RORA: variants seen among roughly 807,000 people sequenced by gnomAD.
The protein encoded by RORA is RAR related orphan receptor A.
RORA carries 7 observed loss-of-function variants against 69.5 expected under a neutral mutation model. The ratio of observed to expected loss-of-function variants is 0.10; its 90% CI spans 0.06 to 0.19. RORA has a LOEUF of 0.19. RORA is among the 10% of genes least tolerant of loss of function. The pLI is 1.00. For synonymous variants in RORA, 261 were observed against 240.8 expected (o/e 1.08, Z -0.78); for missense variants, 457 against 663.0 (o/e 0.69, Z 3.41).
chr15:60,940,550 G>C (rs1053540683), intron 1 of RORA, among the ~76,000 whole-genome samples: 10 of 152,306 alleles, frequency 6.6e-5, no homozygotes, highest in African/African-American at 2.4e-4. Context: ...TTTTAGGTGA[G>C]GGAACTGTTC....
At chr15:60,946,040 A>T (rs1399566682) in intron 1 of RORA, among the ~76,000 whole-genome samples, 3 of 152,160 alleles carry the variant, frequency 2.0e-5, no homozygotes, top group African/African-American at 7.2e-5. Context: ...GGAGAAACCA[A>T]GGAACCTCCA....
At chr15:60,977,115 GA>G (rs5813057) in intron 1 of RORA, among the ~76,000 whole-genome samples, 37,345 of 135,802 alleles carry the variant, frequency 0.27, 5,184 homozygotes, top group African/African-American at 0.35. Flanking sequence ...TGATTGGAGG[GA>G]AAAAAAAAAA....
chr15:60,790,872 C>T (rs1254359624), intron 1 of RORA, among the ~76,000 whole-genome samples: 1 of 152,076 alleles, frequency 6.6e-6, no homozygotes, highest in Non-Finnish European at 1.5e-5. Context: ...CCAGATGGTT[C>T]CAGGGTTACC....
chr15:60,507,751 AAAT>A (rs2065557555), intron 5 of RORA, among the ~76,000 whole-genome samples: 1 of 152,192 alleles, frequency 6.6e-6, no homozygotes, highest in African/African-American at 2.4e-5. Context: ...GCCGATAAAA[AAAT>A]GATGAAGATG....
chr15:61,100,759 T>C (rs2078867969), intron 1 of RORA, among the ~76,000 whole-genome samples: 1 of 152,210 alleles, frequency 6.6e-6, no homozygotes, highest in Non-Finnish European at 1.5e-5. Context: ...TCAGTTACAA[T>C]TAACTAGAGC....
At chr15:60,535,977 A>T (rs912095237) in intron 2 of RORA, among the ~76,000 whole-genome samples, 6 of 152,212 alleles carry the variant, frequency 3.9e-5, no homozygotes, top group African/African-American at 1.2e-4. Context: ...TAAACTTAAC[A>T]CACTACTCAG....
intron 1 of RORA, among the ~76,000 whole-genome samples, chr15:61,203,921 T>A (rs2079916687): frequency 6.6e-6 from 1 of 152,232 alleles, no homozygotes; most frequent in Admixed American, 6.5e-5. Context: ...ATGTGGAGAA[T>A]GAGTTTTGTT....
intron 7 of RORA, among the ~76,000 whole-genome samples, chr15:60,503,266 T>C (rs979179558): frequency 6.6e-6 from 1 of 152,170 alleles, no homozygotes; most frequent in Non-Finnish European, 1.5e-5. Flanking sequence ...ACTTGGAGTG[T>C]AGAAACAAAA....
chr15:60,853,300 G>A (rs1595767328), intron 1 of RORA, among the ~76,000 whole-genome samples: 1 of 152,208 alleles, frequency 6.6e-6, no homozygotes, highest in Admixed American at 6.5e-5. Flanking sequence ...TGGGGAGTAT[G>A]TAGGCTTTCA....
At chr15:60,945,559 C>T (rs757792709) in intron 1 of RORA, among the ~76,000 whole-genome samples, 2 of 152,126 alleles carry the variant, frequency 1.3e-5, no homozygotes, top group Admixed American at 1.3e-4. Context: ...GGGAGGAAAA[C>T]GGCTCTTTCT....
At chr15:60,812,955 T>C (rs1232177284) in intron 1 of RORA, among the ~76,000 whole-genome samples, 1 of 152,210 alleles carries the variant, frequency 6.6e-6, no homozygotes, top group Non-Finnish European at 1.5e-5. Flanking sequence ...AACGGGACTG[T>C]GCTGGTCAGA....
At chr15:61,048,114 T>G (rs1897121995) in intron 1 of RORA, among the ~76,000 whole-genome samples, 1 of 152,220 alleles carries the variant, frequency 6.6e-6, no homozygotes. Context: ...ACAGTTTCTG[T>G]GTACTTTAAG....
At chr15:61,209,802 C>T (rs547818693) in intron 1 of RORA, among the ~76,000 whole-genome samples, 14 of 152,288 alleles carry the variant, frequency 9.2e-5, no homozygotes, top group African/African-American at 3.4e-4. Flanking sequence ...AGGGGTTATT[C>T]ATGTGCATTA....
At chr15:60,860,777 TG>T (rs1162297137) in intron 1 of RORA, among the ~76,000 whole-genome samples, 1 of 152,262 alleles carries the variant, frequency 6.6e-6, no homozygotes, top group Non-Finnish European at 1.5e-5. Flanking sequence ...GTACACTTAC[TG>T]GGCACCCACT....
At chr15:61,148,983 T>C (rs2140871975) in intron 1 of RORA, among the ~76,000 whole-genome samples, 1 of 152,330 alleles carries the variant, frequency 6.6e-6, no homozygotes, top group Non-Finnish European at 1.5e-5. Flanking sequence ...GCAGCTCTGT[T>C]GGGGCTTCAC....
chr15:61,120,649 C>T (rs1208907667), intron 1 of RORA, among the ~76,000 whole-genome samples: 2 of 148,504 alleles, frequency 1.3e-5, no homozygotes, highest in East Asian at 4.1e-4. Context: ...TGCAGTGAGC[C>T]CAGATTGCAC....
rs192451329 is a variant in RORA, at chr15:60,782,840, G to T, written c.167-104154C>A. The stretch of plus-strand genomic sequence containing the variant: ...GAAATAATACCCTAATGCTGGCCAA[G>T]CTGCATGGAAACTGATAGACTCAAA... On this transcript the variant is annotated intron_variant, in intron 1 of 10. Transcript: ENST00000335670. Among the ~76,000 whole-genome samples the T allele has an allele frequency of 9.7e-4, 147 of 152,320 alleles. 3 individuals carry two copies. The highest frequency in any genetic ancestry group is 2.5e-4 in the Non-Finnish European group (17 of 68,032).
At chr15:61,106,368 GGAGAAAAAGCAATCAAAA>G (rs764710205) in intron 1 of RORA, among the ~76,000 whole-genome samples, 7 of 152,160 alleles carry the variant, frequency 4.6e-5, no homozygotes, top group Non-Finnish European at 8.8e-5. Context: ...TAAGTTCAGA[GGAGAAAAAGCAATCAAAA>G]TAATTACTCA....
At chr15:60,591,653 C>T (rs1240845754) in intron 2 of RORA, among the ~76,000 whole-genome samples, 1 of 152,194 alleles carries the variant, frequency 6.6e-6, no homozygotes, top group African/African-American at 2.4e-5. Flanking sequence ...ATCCCGTGGG[C>T]TGCCGAGTTC....
Sources: allele counts gnomAD v4.1 joint callset (sites outside exome capture counted in the v4.1 genomes callset), GRCh38; gene constraint gnomAD v4.1.1; transcripts MANE v1.5; gene names NCBI Gene and HGNC (gene_info 2026-07-23, HGNC 2026-07-21).